The following DNAJC1 variants were observed in gnomAD, a reference collection of about 807,000 sequenced individuals.
DNAJC1 encodes the protein DnaJ heat shock protein family (Hsp40) member C1.
DNAJC1 carries 58 observed loss-of-function variants against 76.6 expected under a neutral mutation model. That is an observed-to-expected ratio of 0.76 (90% CI 0.61 to 0.94). The LOEUF is 0.94. Among genes scored for constraint, DNAJC1 ranks in the 40% least tolerant of loss-of-function variants. DNAJC1 has a pLI of 0.00. For synonymous variants in DNAJC1, 258 were observed against 267.9 expected, an observed-to-expected ratio of 0.96 and a Z score of 0.36; for missense variants, 689 against 677.3, an observed-to-expected ratio of 1.02 and a Z score of -0.19.
intron 9 of DNAJC1, among the ~76,000 whole-genome samples, chr10:21,802,857 T>C (rs914333162): frequency 2.6e-5 from 4 of 152,108 alleles, no homozygotes; most frequent in African/African-American, 9.7e-5. Context: ...TGCGAGACAG[T>C]TTTTGTTTCC....
chr10:21,781,624 G>C (rs1004127706), intron 9 of DNAJC1, among the ~76,000 whole-genome samples: 1 of 151,670 alleles, frequency 6.6e-6, no homozygotes, highest in Non-Finnish European at 1.5e-5. Flanking sequence ...AGGAGGCTGA[G>C]GCAGGAGAAT....
chr10:21,813,206 CTCTCTCTCTCTCTCTATATATA>C (rs1331500082), intron 8 of DNAJC1, among the ~76,000 whole-genome samples: 3 of 73,314 alleles, frequency 4.1e-5, no homozygotes, highest in East Asian at 3.4e-4. Flanking sequence ...CTCTCTCTCT[CTCTCTCTCTCTCTCTATATATA>C]TATATATATA....
intron 3 of DNAJC1, among the ~76,000 whole-genome samples, chr10:21,923,422 C>A (rs1837070270): frequency 6.6e-6 from 1 of 151,928 alleles, no homozygotes; most frequent in Non-Finnish European, 1.5e-5. Flanking sequence ...GTGTTGACAA[C>A]ACATAAAATT....
intron 9 of DNAJC1, among the ~76,000 whole-genome samples, chr10:21,802,921 A>T (rs890598142): frequency 6.6e-6 from 1 of 152,146 alleles, no homozygotes; most frequent in East Asian, 1.9e-4. Context: ...TTATTTGCTG[A>T]AAGGCATATA....
chr10:21,995,136 A>C (rs1481628336), intron 1 of DNAJC1, among the ~76,000 whole-genome samples: 1 of 152,050 alleles, frequency 6.6e-6, no homozygotes, highest in Non-Finnish European at 1.5e-5. Context: ...TTTCTTTTTA[A>C]AGTATAAATT....
intron 8 of DNAJC1, among the ~76,000 whole-genome samples, chr10:21,854,503 T>C (rs2131692436): frequency 6.6e-6 from 1 of 152,226 alleles, no homozygotes; most frequent in African/African-American, 2.4e-5. Flanking sequence ...TTAATTTAAG[T>C]ATCTGTTTTA....
At chr10:21,777,287 C>T (rs1176705765) in intron 9 of DNAJC1, among the ~76,000 whole-genome samples, 6 of 152,004 alleles carry the variant, frequency 3.9e-5, no homozygotes, top group Non-Finnish European at 8.8e-5. Flanking sequence ...CATAGAACAC[C>T]TAATAGGATC....
rs1352586806 is a variant in DNAJC1, at chr10:21,756,683, A to G, written c.*4T>C. 1 of 1,608,932 alleles carries G rather than the reference A, an allele frequency of 6.2e-7. No homozygotes were observed. The highest frequency in any genetic ancestry group is 8.5e-7 in the Non-Finnish European group (1 of 1,175,408). ...ATGAAGGTGAACATCATCTCCCAGAATATTCAGCTTTTAGCTTGTTTTTTC... is the reference window on the plus strand; with the variant it reads ...ATGAAGGTGAACATCATCTCCCAGAGTATTCAGCTTTTAGCTTGTTTTTTC... On this transcript the variant is annotated 3_prime_UTR_variant, in exon 12 of 12. Coordinates refer to ENST00000376980, the MANE Select transcript of DNAJC1 (RefSeq NM_022365.4).
intron 8 of DNAJC1, among the ~76,000 whole-genome samples, chr10:21,828,253 T>C (rs1206088677): frequency 2.0e-5 from 3 of 152,186 alleles, no homozygotes; most frequent in Admixed American, 6.5e-5. Flanking sequence ...ATCACTTATA[T>C]CCCATGTGCC....
intron 8 of DNAJC1, among the ~76,000 whole-genome samples, chr10:21,866,084 G>A (rs1402477204): frequency 7.0e-6 from 1 of 142,236 alleles, no homozygotes; most frequent in Non-Finnish European, 1.5e-5. Flanking sequence ...GCAGTGAGCT[G>A]AGATCACACC....
At chr10:21,861,180 C>T (rs927282630) in intron 8 of DNAJC1, among the ~76,000 whole-genome samples, 4 of 152,024 alleles carry the variant, frequency 2.6e-5, no homozygotes, top group Non-Finnish European at 5.9e-5. Flanking sequence ...GATTCTAAGC[C>T]CATTGCATTT....
intron 8 of DNAJC1, among the ~76,000 whole-genome samples, chr10:21,850,074 A>G (rs1835728397): frequency 6.6e-6 from 1 of 152,206 alleles, no homozygotes; most frequent in African/African-American, 2.4e-5. Flanking sequence ...AAGGATGCCC[A>G]CTTTAGCCAC....
At chr10:21,815,697 A>G (rs1835063479) in intron 8 of DNAJC1, among the ~76,000 whole-genome samples, 1 of 151,840 alleles carries the variant, frequency 6.6e-6, no homozygotes, top group Non-Finnish European at 1.5e-5. Context: ...TGATTAGAGT[A>G]TCCTAAGAAA....
At chr10:21,803,821 C>G (rs1589986586) in intron 9 of DNAJC1, 1 of 950,204 alleles carries the variant, frequency 1.1e-6, no homozygotes, top group Non-Finnish European at 1.2e-6. Context: ...TATTTATTTC[C>G]AAGGTACCTT....
intron 1 of DNAJC1, among the ~76,000 whole-genome samples, chr10:22,001,112 T>A (rs898351404): frequency 1.3e-5 from 2 of 152,212 alleles, no homozygotes; most frequent in Non-Finnish European, 2.9e-5. Flanking sequence ...AAAGGTCAAC[T>A]CCCAATGCTT....
chr10:21,834,496 CG>C (rs1835417159), intron 8 of DNAJC1, among the ~76,000 whole-genome samples: 1 of 152,160 alleles, frequency 6.6e-6, no homozygotes, highest in African/African-American at 2.4e-5. Flanking sequence ...TGCAGCGCAC[CG>C]TACGCGAGCC....
intron 8 of DNAJC1, among the ~76,000 whole-genome samples, chr10:21,812,438 C>T (rs552688032): frequency 1.3e-5 from 2 of 152,030 alleles, no homozygotes; most frequent in South Asian, 4.2e-4. Flanking sequence ...TGTCTTTTGA[C>T]CATTTGTTAA....
At chr10:21,942,852 A>ACAATAC (rs1279130210) in intron 1 of DNAJC1, among the ~76,000 whole-genome samples, 2 of 151,774 alleles carry the variant, frequency 1.3e-5, no homozygotes, top group Non-Finnish European at 2.9e-5. Flanking sequence ...ATATAAGCAT[A>ACAATAC]CAATACCAAG....
intron 9 of DNAJC1, among the ~76,000 whole-genome samples, chr10:21,771,937 TTTTGTTTG>T (rs368549768): frequency 1.3e-5 from 2 of 152,160 alleles, no homozygotes; most frequent in Non-Finnish European, 2.9e-5. Context: ...AATAAATGTT[TTTTGTTTG>T]TTTGTTTGTT....
Sources: gnomAD v4.1 joint callset for allele counts (sites outside exome capture counted in the v4.1 genomes callset) on GRCh38, gnomAD v4.1.1 for gene constraint, MANE v1.5 for transcripts, NCBI Gene and HGNC (gene_info 2026-07-23, HGNC 2026-07-21) for gene names.